The following UBE2J1 variants were observed in gnomAD, a reference collection of about 807,000 sequenced individuals.
UBE2J1 encodes the protein ubiquitin-conjugating enzyme E2 J1.
Under a neutral mutation model 42.1 loss-of-function variants are expected in UBE2J1, and 17 were observed. That is an observed-to-expected ratio of 0.40 (90% CI 0.28 to 0.61). The LOEUF (loss-of-function observed/expected upper bound fraction) is 0.61. Ranked by LOEUF, UBE2J1 falls within the 20% of genes least tolerant of loss-of-function variation. The pLI is 0.38. For missense variants in UBE2J1, 291 were observed against 389.4 expected (o/e 0.75, Z 2.13); for synonymous variants, 127 against 137.2 (o/e 0.93, Z 0.52).
chr6:89,336,499 A>ATTTTTTTT (rs1405521251), intron 5 of UBE2J1, among the ~76,000 whole-genome samples: 1 of 144,668 alleles, frequency 6.9e-6, no homozygotes. Flanking sequence ...TCATTTTATT[A>ATTTTTTTT]TTATTTTTTT....
At chr6:89,343,434 C>CAA (rs58981898) in intron 2 of UBE2J1, among the ~76,000 whole-genome samples, 231 of 80,508 alleles carry the variant, frequency 2.9e-3, no homozygotes, top group Middle Eastern at 6.7e-3. Flanking sequence ...GACTCCGCCT[C>CAA]AAAAAAAAAA....
intron 1 of UBE2J1, among the ~76,000 whole-genome samples, chr6:89,347,537 AAGAATGT>A (rs1399889739): frequency 6.6e-6 from 1 of 152,230 alleles, no homozygotes; most frequent in Non-Finnish European, 1.5e-5. Context: ...GAATTGTTAT[AAGAATGT>A]ATCTGTACCA....
intron 1 of UBE2J1, among the ~76,000 whole-genome samples, chr6:89,352,001 T>C (rs1315704186): frequency 5.3e-5 from 8 of 152,220 alleles, no homozygotes; most frequent in Non-Finnish European, 1.5e-5. Flanking sequence ...TTTTTGTTGT[T>C]GTTTTGTTTT....
chr6:89,335,147 G>T (rs1342177431), intron 6 of UBE2J1, among the ~76,000 whole-genome samples, 155 bp downstream of exon 6: 3 of 152,058 alleles, frequency 2.0e-5, no homozygotes, highest in Non-Finnish European at 4.4e-5. Context: ...CACCTACTAT[G>T]TAACCACAGA....
chr6:89,344,529 A>G (rs764138199), intron 1 of UBE2J1, among the ~76,000 whole-genome samples: 3 of 152,076 alleles, frequency 2.0e-5, no homozygotes, highest in African/African-American at 4.8e-5. Context: ...ATAAAATCCA[A>G]CTGTGCCTGA....
Position 89,338,653 on chromosome 6 carries a change from G to GTT in UBE2J1, c.238-112_238-111dup, listed in dbSNP as rs1486254673. The GTT allele has an allele frequency of 5.6e-4, 67 of 120,680 alleles. 3 individuals are homozygous for GTT. The East Asian group carries it at 6.4e-3, about 12-fold the overall frequency. 7.5% of individuals were successfully genotyped at this position (120,680 alleles called of 1,614,324 possible). On this transcript the variant is annotated intron_variant, in intron 3 of 7. Transcript: ENST00000435041. ...ATAATTTTAGAGATTATCTTAAAAA[G>GTT]TTTGTTTTTTTTTTTTTTTTTTTTT...
intron 3 of UBE2J1, among the ~76,000 whole-genome samples, chr6:89,342,112 T>C (rs1768256268): frequency 6.6e-6 from 1 of 152,178 alleles, no homozygotes; most frequent in Non-Finnish European, 1.5e-5. Context: ...TGATATGACA[T>C]TTATGCATTC....
chr6:89,327,822 T>G lies in UBE2J1; in HGVS notation c.*1857A>C, dbSNP rs1767936346. ...CCTAGCACACAATCTCAGCAGAGGT[T>G]GAGGTGGTGGGGATTTCTTTCTTCT... On this transcript the variant is annotated 3_prime_UTR_variant, in exon 8 of 8. Transcript: ENST00000435041. 6.6e-6 allele frequency: 1 copy of G among 152,102 alleles called. No homozygotes were observed. Among genetic ancestry groups the G allele is most frequent in the African/African-American group, 2.4e-5 (1 of 41,408 alleles). 9.4% of individuals were successfully genotyped at this position (152,102 alleles called of 1,614,324 possible).
chr6:89,329,978 T>G lies in UBE2J1; in HGVS notation c.679-21A>C, dbSNP rs750312795. On this transcript the variant is annotated intron_variant, in intron 7 of 7. Transcript: ENST00000435041. ...CCGTACTAGGAAATTTTAAGAAACT[T>G]TGTTTGAAACTGGCAAAGAAGATTT... 4 of 1,611,664 alleles carry G rather than the reference T, an allele frequency of 2.5e-6. No homozygotes were observed. In the South Asian group the frequency reaches 4.4e-5, roughly 18 times the overall value.
At position 89,328,047 on chromosome 6, in the gene UBE2J1, C is replaced by T. The variant is rs960884429; in HGVS notation, c.*1632G>A. 6.6e-6 allele frequency: 1 copy of T among 152,064 alleles called. No individual in the cohort carries two copies. Among genetic ancestry groups the T allele is most frequent in the African/African-American group, 2.4e-5 (1 of 41,392 alleles). 9.4% of individuals were successfully genotyped at this position (152,064 alleles called of 1,614,324 possible). A position where few individuals can be genotyped will look rare whatever the true frequency, so the allele number is the denominator to read the frequency against. On this transcript the variant is annotated 3_prime_UTR_variant, in exon 8 of 8. Transcript: ENST00000435041. ...TTTTAGACTTTAACAAATTCAGCTA[C>T]AGATATAAAAAATAATCTGTAAACA...
Position 89,332,983 on chromosome 6 carries a change from G to A in UBE2J1, c.678+103C>T, listed in dbSNP as rs1768036883. 6 of 1,153,888 alleles carry A rather than the reference G, an allele frequency of 5.2e-6. No homozygotes were observed. The African/African-American group carries it at 9.5e-5, about 18-fold the overall frequency. The allele number at this position is 1,153,888 out of a possible 1,614,324, so 71.5% of individuals were successfully genotyped here. ...TGATGAGTTAGAATCCAGTTGTTAA[G>A]AGAACCAAATTTTTCAGATATTTGA... On this transcript the variant is annotated intron_variant, in intron 7 of 7. Coordinates refer to ENST00000435041, the MANE Select transcript of UBE2J1 (RefSeq NM_016021.3).
intron 5 of UBE2J1, 40 bp from the exon 6 acceptor site, chr6:89,335,471 A>G (rs1381881479): frequency 8.8e-6 from 13 of 1,474,438 alleles, no homozygotes; most frequent in Non-Finnish European, 1.2e-5. Flanking sequence ...TAAATAGTTA[A>G]ATGTTTAATT....
intron 3 of UBE2J1, among the ~76,000 whole-genome samples, chr6:89,339,462 AGGAGAGGG>A (rs1768188776): frequency 6.9e-5 from 1 of 14,578 alleles, no homozygotes; most frequent in Non-Finnish European, 1.3e-4. Context: ...AGAGGAGGGG[AGGAGAGGG>A]GGGGAGGGGG....
intron 5 of UBE2J1, among the ~76,000 whole-genome samples, chr6:89,336,241 A>G (rs1480513569): frequency 6.6e-6 from 1 of 152,104 alleles, no homozygotes; most frequent in Non-Finnish European, 1.5e-5. Flanking sequence ...ATGAAATATC[A>G]TATAAACAAA....
intron 3 of UBE2J1, among the ~76,000 whole-genome samples, chr6:89,340,204 A>T (rs35432724): frequency 1.3e-5 from 2 of 152,176 alleles, no homozygotes; most frequent in Non-Finnish European, 2.9e-5. Context: ...TGAAAGTTGG[A>T]GAAGACTTTT....
intron 7 of UBE2J1, among the ~76,000 whole-genome samples, chr6:89,332,114 C>T (rs1022752327): frequency 7.9e-5 from 12 of 152,136 alleles, no homozygotes; most frequent in African/African-American, 1.4e-4. Context: ...ACTTTACGTA[C>T]GTTATTGCTG....
At chr6:89,349,632 A>T (rs2127874498) in intron 1 of UBE2J1, among the ~76,000 whole-genome samples, 1 of 152,194 alleles carries the variant, frequency 6.6e-6, no homozygotes, top group South Asian at 2.1e-4. Flanking sequence ...ACTTACAGAG[A>T]TTTTTTTCAC....
intron 1 of UBE2J1, among the ~76,000 whole-genome samples, chr6:89,346,717 T>C (rs1358440026): frequency 2.7e-5 from 4 of 147,636 alleles, no homozygotes; most frequent in African/African-American, 2.5e-5. Flanking sequence ...TAGGGAGGGG[T>C]AGAGACTAGG....
At chr6:89,336,819 T>C (rs1768115761) in intron 5 of UBE2J1, among the ~76,000 whole-genome samples, 1 of 152,044 alleles carries the variant, frequency 6.6e-6, no homozygotes, top group Non-Finnish European at 1.5e-5. Context: ...GGTAGCATGC[T>C]ACCACGGTTG....
Sources: gnomAD v4.1 joint callset for allele counts (sites outside exome capture counted in the v4.1 genomes callset) on GRCh38, gnomAD v4.1.1 for gene constraint, MANE v1.5 for transcripts, NCBI Gene and HGNC (gene_info 2026-07-23, HGNC 2026-07-21) for gene names.